Variants in CSMD2 observed in about 807,000 individuals in gnomAD.
CSMD2 encodes CUB and sushi domain-containing protein 2.
CSMD2 carries 130 observed loss-of-function variants against 398.5 expected under a neutral mutation model. That is an observed-to-expected ratio of 0.33 (90% CI 0.28 to 0.38). The LOEUF (loss-of-function observed/expected upper bound fraction) is 0.38, where lower values mean the gene tolerates loss of function less well. CSMD2 is among the 10% of genes least tolerant of loss of function. The probability of loss-of-function intolerance (pLI) is 1.00; values close to 1 mark genes in which losing one functional copy is unlikely to be tolerated. For synonymous variants in CSMD2, 1,828 were observed against 1,908.5 expected, an observed-to-expected ratio of 0.96 and a Z score of 1.10; for missense variants, 3,829 against 4,764.9, an observed-to-expected ratio of 0.80 and a Z score of 5.78.
At position 34,140,057 on chromosome 1, in the gene CSMD2, T is replaced by A. The variant is rs149444619; in HGVS notation, c.187+24854A>T. Among the ~76,000 whole-genome samples the A allele has an allele frequency of 2.5e-3, 375 of 152,264 alleles. 2 individuals are homozygous for A. Among genetic ancestry groups the A allele is most frequent in the African/African-American group, 8.7e-3 (360 of 41,556 alleles). ...GGATAATAAGCAAAGCCAGGCAAAG[T>A]CCCTGACCTCCTGAAGCTTCCAGTC... On this transcript the variant is annotated intron_variant, in intron 1 of 70. Coordinates refer to ENST00000373381, the MANE Select transcript of CSMD2 (RefSeq NM_001281956.2).
intron 13 of CSMD2, among the ~76,000 whole-genome samples, chr1:33,755,473 T>C (rs1648855751): frequency 6.6e-6 from 1 of 152,192 alleles, no homozygotes. Context: ...GGCTCCTTTC[T>C]TTCTAAGGAG....
intron 2 of CSMD2, among the ~76,000 whole-genome samples, chr1:34,055,337 A>G (rs1347291223): frequency 2.0e-5 from 3 of 152,176 alleles, no homozygotes; most frequent in African/African-American, 7.2e-5. Flanking sequence ...TGCAGGCTGG[A>G]TGTCCTCCAG....
chr1:33,521,010 T>C (rs1309863111), intron 68 of CSMD2, among the ~76,000 whole-genome samples: 2 of 152,220 alleles, frequency 1.3e-5, no homozygotes, highest in South Asian at 4.1e-4. Context: ...GTGGCCTTAA[T>C]GCTCAGTTTT....
At chr1:34,080,462 T>A (rs148047980) in intron 2 of CSMD2, among the ~76,000 whole-genome samples, 60 of 152,152 alleles carry the variant, frequency 3.9e-4, no homozygotes, top group African/African-American at 1.4e-3. Context: ...CAAAAAATGA[T>A]CTTATACAGA....
chr1:34,161,098 T>C (rs1481692930), intron 1 of CSMD2, among the ~76,000 whole-genome samples: 1 of 152,060 alleles, frequency 6.6e-6, no homozygotes, highest in Non-Finnish European at 1.5e-5. Flanking sequence ...GACCATATGA[T>C]AAGGAAGGAG....
At chr1:33,956,669 T>G (rs373093632) in intron 3 of CSMD2, among the ~76,000 whole-genome samples, 9 of 152,080 alleles carry the variant, frequency 5.9e-5, no homozygotes, top group Admixed American at 1.3e-4. Context: ...CTGCTGAGCA[T>G]ACCTTAACCC....
At chr1:33,839,628 G>A (rs1950895) in intron 6 of CSMD2, 79,586 of 152,318 alleles carry the variant, frequency 0.52, 21,033 homozygotes, top group East Asian at 0.65. Context: ...AGAACATCCG[G>A]CAAAATTTTG....
intron 13 of CSMD2, among the ~76,000 whole-genome samples, chr1:33,745,919 ATTG>A (rs1426500841): frequency 6.6e-6 from 1 of 152,176 alleles, no homozygotes; most frequent in Non-Finnish European, 1.5e-5. Flanking sequence ...CGAGGTAGGT[ATTG>A]TTATTAACCC....
At chr1:34,165,697 TG>T, upstream of CSMD2, 1 of 1,574,926 alleles carries the variant, frequency 6.3e-7, no homozygotes, top group East Asian at 2.2e-5. Flanking sequence ...GAATCCTGTC[TG>T]GGAAAAGGTA....
chr1:33,979,213 G>A (rs527290232), intron 3 of CSMD2, among the ~76,000 whole-genome samples: 18 of 152,274 alleles, frequency 1.2e-4, no homozygotes, highest in African/African-American at 3.9e-4. Context: ...AGATGCCCAG[G>A]GTGGCTGTGC....
intron 44 of CSMD2, among the ~76,000 whole-genome samples, chr1:33,595,534 A>C (rs1472526693): frequency 1.3e-5 from 2 of 152,130 alleles, no homozygotes; most frequent in Non-Finnish European, 2.9e-5. Flanking sequence ...TTCCTTATAA[A>C]AACTTGTAAT....
At chr1:34,109,600 A>C (rs1028591329) in intron 1 of CSMD2, among the ~76,000 whole-genome samples, 2 of 152,176 alleles carry the variant, frequency 1.3e-5, no homozygotes, top group Non-Finnish European at 2.9e-5. Flanking sequence ...GACAACCTAA[A>C]GAAGGGGAGA....
intron 26 of CSMD2, among the ~76,000 whole-genome samples, chr1:33,658,954 G>C (rs1045793977): frequency 6.6e-5 from 10 of 152,154 alleles, no homozygotes; most frequent in African/African-American, 2.4e-4. Flanking sequence ...CTAAGCAGTG[G>C]TTGTGAGGTT....
chr1:33,980,000 G>A (rs1306524363), intron 3 of CSMD2, among the ~76,000 whole-genome samples: 40 of 152,284 alleles, frequency 2.6e-4, no homozygotes, highest in Non-Finnish European at 2.9e-5. Context: ...TTAGAGATCT[G>A]AGATTCTTGT....
At chr1:33,931,493 T>TG (rs1180180961) in intron 4 of CSMD2, among the ~76,000 whole-genome samples, 1 of 115,208 alleles carries the variant, frequency 8.7e-6, no homozygotes, top group Non-Finnish European at 1.8e-5. Context: ...TGACTGGGGG[T>TG]GGGGGGAAGC....
chr1:33,849,831 G>C (rs1416032986), intron 5 of CSMD2, among the ~76,000 whole-genome samples: 7 of 151,958 alleles, frequency 4.6e-5, no homozygotes, highest in Non-Finnish European at 2.9e-5. Flanking sequence ...TAAAATAAAT[G>C]GTAATTTTAT....
intron 25 of CSMD2, among the ~76,000 whole-genome samples, chr1:33,679,055 C>G (rs1644815205): frequency 6.6e-6 from 1 of 152,164 alleles, no homozygotes; most frequent in Admixed American, 6.5e-5. Flanking sequence ...CTGAGACTGC[C>G]TATCACTAGA....
intron 2 of CSMD2, among the ~76,000 whole-genome samples, chr1:34,061,576 A>G (rs1263701280): frequency 6.6e-6 from 1 of 152,106 alleles, no homozygotes; most frequent in African/African-American, 2.4e-5. Flanking sequence ...GAGTTACTCA[A>G]TCTCCCTGAG....
intron 3 of CSMD2, among the ~76,000 whole-genome samples, chr1:34,024,383 G>A (rs780385143): frequency 1.1e-4 from 16 of 152,206 alleles, no homozygotes; most frequent in Non-Finnish European, 1.5e-4. Flanking sequence ...ACAGGAAGAC[G>A]GTCATGGCAC....
Sources: gnomAD v4.1 joint callset for allele counts (sites outside exome capture counted in the v4.1 genomes callset) on GRCh38, gnomAD v4.1.1 for gene constraint, MANE v1.5 for transcripts, NCBI Gene and HGNC (gene_info 2026-07-23, HGNC 2026-07-21) for gene names.